STPG2: variants seen among roughly 807,000 people sequenced by gnomAD.
STPG2 encodes sperm tail PG-rich repeat containing 2, also known as sperm-tail PG-rich repeat-containing protein 2.
A neutral mutation model predicts 54.2 loss-of-function variants in STPG2; 56 were observed. The observed-to-expected ratio is 1.03, with a 90% confidence interval of 0.83 to 1.29. The LOEUF (loss-of-function observed/expected upper bound fraction) is 1.29. STPG2 is among the 50% of genes most tolerant of loss of function. The pLI is 0.00. For synonymous variants in STPG2, 200 were observed against 181.8 expected (o/e 1.10, Z -0.81); for missense variants, 596 against 544.9 (o/e 1.09, Z -0.93).
intron 6 of STPG2, among the ~76,000 whole-genome samples, chr4:97,976,128 A>G (rs1734490238): frequency 6.6e-6 from 1 of 152,200 alleles, no homozygotes; most frequent in Non-Finnish European, 1.5e-5. Context: ...CAAATATTCC[A>G]GTTCTAGTCT....
intron 5 of STPG2, among the ~76,000 whole-genome samples, chr4:98,061,745 A>AT: frequency 1.3e-5 from 2 of 152,358 alleles, no homozygotes; most frequent in Middle Eastern, 6.8e-3. Context: ...CCACAATGAG[A>AT]TACCAATCTC....
chr4:98,034,845 G>A (rs1279267475), intron 5 of STPG2, among the ~76,000 whole-genome samples: 1 of 152,098 alleles, frequency 6.6e-6, no homozygotes, highest in African/African-American at 2.4e-5. Context: ...CAAGAAATGG[G>A]GAAAGGATTC....
intron 4 of STPG2, among the ~76,000 whole-genome samples, chr4:98,107,592 G>A (rs1030981178): frequency 2.0e-5 from 3 of 152,044 alleles, no homozygotes; most frequent in Non-Finnish European, 4.4e-5. Context: ...AGACTGGTAG[G>A]AAAAACCACC....
rs530678904 is a variant in STPG2 at position 97,559,311 on chromosome 4, T to C, written c.1321-194A>G. Among the ~76,000 whole-genome samples the C allele has an allele frequency of 2.0e-5, 3 of 152,346 alleles. No individual in the cohort carries two copies. In the South Asian group the frequency reaches 6.2e-4, roughly 32 times the overall value. On this transcript the variant is annotated intron_variant, in intron 10 of 10. Coordinates refer to ENST00000295268, the MANE Select transcript of STPG2 (RefSeq NM_174952.3). ...GTTCAAAAATTAATTGTGTTGTGAA[T>C]ATAATCAATATTAATTTTATATCTA...
At chr4:97,995,665 T>C (rs1024269526) in intron 5 of STPG2, among the ~76,000 whole-genome samples, 3 of 152,046 alleles carry the variant, frequency 2.0e-5, no homozygotes, top group Non-Finnish European at 2.9e-5. Context: ...AGAATACAGA[T>C]GTTGAGCTAA....
intron 4 of STPG2, among the ~76,000 whole-genome samples, chr4:97,483,181 G>T (rs187805823): frequency 3.8e-4 from 57 of 151,368 alleles, no homozygotes; most frequent in Admixed American, 2.2e-3. Context: ...AAAAACCAAG[G>T]TACACAGGCA....
intron 10 of STPG2, among the ~76,000 whole-genome samples, chr4:97,698,876 C>A (rs1204751302): frequency 3.3e-5 from 5 of 152,128 alleles, no homozygotes; most frequent in Non-Finnish European, 7.3e-5. Context: ...GAGCCCACTG[C>A]CACACTTCTT....
At chr4:98,025,807 C>T in intron 5 of STPG2, 1 of 1,588,654 alleles carries the variant, frequency 6.3e-7, no homozygotes, top group Non-Finnish European at 8.5e-7. Flanking sequence ...CGCCGGGTGC[C>T]TTTACCTGCT....
At chr4:97,961,756 G>A (rs1264579883) in intron 7 of STPG2, among the ~76,000 whole-genome samples, 6 of 152,156 alleles carry the variant, frequency 3.9e-5, no homozygotes, top group South Asian at 2.1e-4. Context: ...TATACTGATG[G>A]TCAGAACGTA....
chr4:97,464,936 TA>T (rs2148811003), intron 4 of STPG2, among the ~76,000 whole-genome samples: 1 of 152,270 alleles, frequency 6.6e-6, no homozygotes, highest in South Asian at 2.1e-4. Context: ...TCAGCTGGAA[TA>T]GTTTCAGAAT....
intron 5 of STPG2, among the ~76,000 whole-genome samples, chr4:98,100,511 C>G (rs554661836): frequency 6.6e-6 from 1 of 152,126 alleles, no homozygotes; most frequent in South Asian, 2.1e-4. Context: ...AAGACAATTT[C>G]AAGGACTTAC....
chr4:97,456,620 G>A (rs1729526932), intron 4 of STPG2, among the ~76,000 whole-genome samples: 1 of 152,122 alleles, frequency 6.6e-6, no homozygotes, highest in South Asian at 2.1e-4. Context: ...ATGGGGCCGG[G>A]AGCGGTGGCT....
chr4:97,537,841 T>A (rs777370923), intron 4 of STPG2, among the ~76,000 whole-genome samples: 2 of 152,124 alleles, frequency 1.3e-5, no homozygotes, highest in Non-Finnish European at 2.9e-5. Flanking sequence ...CCTTCTGAGA[T>A]GAAACCTCCA....
chr4:97,893,561 T>C (rs1730848633), intron 8 of STPG2, among the ~76,000 whole-genome samples: 2 of 151,998 alleles, frequency 1.3e-5, no homozygotes, highest in South Asian at 2.1e-4. Context: ...CTTGTCCTCA[T>C]TGTCTAAACA....
At chr4:98,084,286 A>C (rs148646077) in intron 5 of STPG2, among the ~76,000 whole-genome samples, 1 of 152,300 alleles carries the variant, frequency 6.6e-6, no homozygotes, top group African/African-American at 2.4e-5. Context: ...TTCTATAGGT[A>C]GTTCTTTATA....
intron 8 of STPG2, among the ~76,000 whole-genome samples, chr4:97,924,884 T>C (rs1732276896): frequency 6.6e-6 from 1 of 152,220 alleles, no homozygotes; most frequent in African/African-American, 2.4e-5. Flanking sequence ...CCACATTTTC[T>C]ACCAAACAAT....
At chr4:97,870,572 A>G (rs1729948898) in intron 8 of STPG2, among the ~76,000 whole-genome samples, 1 of 151,414 alleles carries the variant, frequency 6.6e-6, no homozygotes, top group African/African-American at 2.4e-5. Flanking sequence ...AAAAGTATTA[A>G]TTGTAATGAA....
At chr4:97,796,992 T>C (rs1448412489) in intron 9 of STPG2, among the ~76,000 whole-genome samples, 2 of 152,184 alleles carry the variant, frequency 1.3e-5, no homozygotes, top group Admixed American at 1.3e-4. Context: ...TTTGGCTCTC[T>C]GTTATTGGTG....
chr4:98,025,177 T>A (rs1479657711), intron 5 of STPG2, among the ~76,000 whole-genome samples: 1 of 152,218 alleles, frequency 6.6e-6, no homozygotes, highest in Non-Finnish European at 1.5e-5. Flanking sequence ...GGCAAGTAAT[T>A]TATACAACAA....
Sources: gnomAD v4.1 joint callset for allele counts (sites outside exome capture counted in the v4.1 genomes callset) on GRCh38, gnomAD v4.1.1 for gene constraint, MANE v1.5 for transcripts, NCBI Gene and HGNC (gene_info 2026-07-23, HGNC 2026-07-21) for gene names.